Variants in PRDM15 observed in about 807,000 individuals in gnomAD.
PRDM15 encodes PR/SET domain 15, also known as PR domain zinc finger protein 15.
Under a neutral mutation model 128.6 loss-of-function variants are expected in PRDM15, and 64 were observed. That is an observed-to-expected ratio of 0.50 (90% confidence interval 0.41 to 0.61). PRDM15 has a LOEUF of 0.61. Among genes scored for constraint, PRDM15 ranks in the 20% least tolerant of loss-of-function variants. The probability of loss-of-function intolerance (pLI) is 0.00; values close to 1 mark genes in which losing one functional copy is unlikely to be tolerated. For synonymous variants in PRDM15, 615 were observed against 621.8 expected (o/e 0.99, Z 0.16); for missense variants, 1,242 against 1,569.1 (o/e 0.79, Z 3.52).
At position 41,821,117 on chromosome 21, in the gene PRDM15, G is replaced by A. The variant is rs147071633; in HGVS notation, c.2010C>T (p.His670=). ...TTTCACGGTGGATGACCATGTGGGC[G>A]TGGTAGGTGGCCTTCAGTGCAAAGC... ...NRRFALKATY[H]AHMVIHRENL... The change falls in exon 16 of 24, where the codon CAC becomes CAT. Residue 670 remains histidine, a synonymous_variant. Transcript: ENST00000398548. The surrounding 1 kb of genome is among the most constrained non-coding windows in gnomAD (Gnocchi z 5.4). The A allele has an allele frequency of 5.8e-5, 93 of 1,614,246 alleles. No individual in the cohort carries two copies. The highest frequency in any genetic ancestry group is 8.0e-5 in the African/African-American group (6 of 75,060).
chr21:41,801,169 C>T lies in PRDM15; in HGVS notation c.*71G>A. ...GTATGACTTTTTGTTTGTTTGGTAT[C>T]CAGCAAACACATCTAAACAAATCCC... On this transcript the variant is annotated 3_prime_UTR_variant, in exon 24 of 24. Coordinates refer to ENST00000398548, the MANE Select transcript of PRDM15 (RefSeq NM_001040424.3). 6.7e-7 allele frequency: 1 copy of T among 1,490,504 alleles called. No homozygotes were observed. Among genetic ancestry groups the T allele is most frequent in the Non-Finnish European group, 8.9e-7 (1 of 1,126,902 alleles). The allele number at this position is 1,490,504 out of a possible 1,614,324, so 92.3% of individuals were successfully genotyped here. A position where few individuals can be genotyped will look rare whatever the true frequency, so the allele number is the denominator to read the frequency against.
chr21:41,837,594 G>C (rs8132615), intron 8 of PRDM15, among the ~76,000 whole-genome samples: 47,135 of 152,000 alleles, frequency 0.31, 7,495 homozygotes, highest in Non-Finnish European at 0.32. Flanking sequence ...AGACGGGAAA[G>C]TTCCACAGAT....
In PRDM15 at chr21:41,862,719, G is replaced by C. The variant is rs1399904058; in HGVS notation, c.-9-2347C>G. ...GCCTGATAAACGGAGCATCTTCAAA[G>C]TCTTTGCTGTCTTGGCAAAACTCCC... On this transcript the variant is annotated intron_variant, in intron 1 of 23. Transcript: ENST00000398548. This position sits in a 1 kb window ranked among gnomAD's most constrained non-coding sequence, Gnocchi z 4.1. Among the ~76,000 whole-genome samples the C allele has an allele frequency of 6.6e-6, 1 of 152,174 alleles. No homozygotes were observed. The highest frequency in any genetic ancestry group is 1.5e-5 in the Non-Finnish European group (1 of 68,044).
At chr21:41,866,877 C>T (rs563745636) in intron 1 of PRDM15, among the ~76,000 whole-genome samples, 10 of 152,164 alleles carry the variant, frequency 6.6e-5, no homozygotes, top group Admixed American at 2.6e-4. Flanking sequence ...CCACCTGACC[C>T]GCATCTTGAT....
Position 41,823,367 on chromosome 21 carries a change from T to G in PRDM15, c.1712A>C (p.Lys571Thr). 6.3e-7 allele frequency: 1 copy of G among 1,598,410 alleles called. No homozygotes were observed. The highest frequency in any genetic ancestry group is 8.5e-7 in the Non-Finnish European group (1 of 1,172,854). The change falls in exon 14 of 24, where the codon AAG becomes ACG. Residue 571 changes from lysine (K) to threonine (T), a missense_variant. Physicochemically the swap from Lys to Thr is moderately conservative, Grantham distance 78. This residue lies in a region of PRDM15 where 28 missense variants were observed against 63.8 expected (regional missense o/e 0.44). Coordinates refer to ENST00000398548, the MANE Select transcript of PRDM15 (RefSeq NM_001040424.3). ...KKYTCEICGR[K>T]FFRVDVLRDH... ...CCTGAGCACATCCACGCGGAAGAAC[T>G]TGCGCCCGCAGATCTCGCAGGTGTA...
At chr21:41,869,096 C>T (rs1569021901) in intron 1 of PRDM15, among the ~76,000 whole-genome samples, 1 of 152,168 alleles carries the variant, frequency 6.6e-6, no homozygotes, top group African/African-American at 2.4e-5. Flanking sequence ...CAAGTATTTT[C>T]TCCCTGTCTG....
chr21:41,861,629 G>A (rs765244102), intron 1 of PRDM15: 9 of 1,613,880 alleles, frequency 5.6e-6, no homozygotes, highest in Non-Finnish European at 6.8e-6. Context: ...AAGTGTGCAT[G>A]CTGGCACTTC....
rs934032524 is a variant in PRDM15 at position 41,836,490 on chromosome 21, C to G, written c.1161G>C (p.Leu387=). The G allele has an allele frequency of 1.9e-6, 3 of 1,611,776 alleles. No individual in the cohort carries two copies. Among genetic ancestry groups the G allele is most frequent in the Non-Finnish European group, 2.5e-6 (3 of 1,179,578 alleles). ...CACCATGCGAGCGCACGTGCCTGCT[C>G]AGGTTGCTGCTGTTCTGGAAGATCT... The part of the protein sequence containing the change: ...CSKIFQNSSN[L]SRHVRSHGDK... The change falls in exon 9 of 24, where the codon CTG becomes CTC. Residue 387 remains leucine, a synonymous_variant. Transcript: ENST00000398548.
intron 11 of PRDM15, among the ~76,000 whole-genome samples, chr21:41,834,228 G>A (rs891653930): frequency 6.4e-5 from 7 of 109,890 alleles, no homozygotes; most frequent in African/African-American, 2.1e-4. Context: ...AAGGCATCAG[G>A]GAGGAAGAAC....
Position 41,839,749 on chromosome 21 carries a change from G to A in PRDM15, c.745C>T (p.Pro249Ser), listed in dbSNP as rs1436581812. 2 of 1,614,244 alleles carry A rather than the reference G, an allele frequency of 1.2e-6. No individual in the cohort carries two copies. Among genetic ancestry groups the A allele is most frequent in the Non-Finnish European group, 1.7e-6 (2 of 1,180,048 alleles). ...ACATTCTCGCTCTCGGGCACTGCAG[G>A]GGGTTCCCCCCGGGGTGTGTCCTGC... ...KEQDTPRGEP[P>S]AVPESENVAT... is the part of the protein sequence containing the mutation. The change falls in exon 7 of 24, where the codon CCT becomes TCT. Residue 249 changes from proline (P) to serine (S), a missense_variant. Pro to Ser is a moderately conservative substitution (Grantham distance 74, BLOSUM62 -1). Around this residue, in one of 3 missense-constraint regions of PRDM15, gnomAD observed 612 missense variants for 717.0 expected, o/e 0.85. Transcript: ENST00000398548.
chr21:41,812,795 A>G (rs1312897282), intron 19 of PRDM15: 1 of 152,332 alleles, frequency 6.6e-6, no homozygotes, highest in African/African-American at 2.4e-5. Context: ...CCACTGCCCT[A>G]GGGAACGGCC....
At chr21:41,875,381 C>A (rs914881023) in intron 1 of PRDM15, among the ~76,000 whole-genome samples, 6 of 152,278 alleles carry the variant, frequency 3.9e-5, no homozygotes, top group Non-Finnish European at 7.3e-5. Flanking sequence ...CAGCCAGGCT[C>A]TTTGAGTTTT....
At chr21:41,824,607 G>A (rs1601227656) in intron 13 of PRDM15, among the ~76,000 whole-genome samples, 3 of 152,344 alleles carry the variant, frequency 2.0e-5, no homozygotes, top group African/African-American at 7.2e-5. Context: ...GCAGAGGTCA[G>A]TGGACAGAAA....
At chr21:41,873,634 T>G (rs1268797115) in intron 1 of PRDM15, among the ~76,000 whole-genome samples, 2 of 152,228 alleles carry the variant, frequency 1.3e-5, no homozygotes, top group Non-Finnish European at 2.9e-5. Flanking sequence ...GTTTATGATT[T>G]CTTCTCCGTT....
Position 41,835,505 on chromosome 21 carries a change from T to C in PRDM15, c.1298A>G (p.Tyr433Cys), listed in dbSNP as rs1407004721. ...SRNEVDGEYR[Y>C]RCGTCEKTFR... ...GGTCTTCTCACAAGTGCCGCAGCGG[T>C]ACCTGTACTCGCCGTCCACCTGGTC... Residue 433 changes from tyrosine (Y) to cysteine (C), a missense_variant, in exon 11 of 24, where the codon TAC becomes TGC. Physicochemically the swap from Tyr to Cys is radical, Grantham distance 194 (BLOSUM62 -2). Transcript: ENST00000398548. 1 of 1,609,524 alleles carries C rather than the reference T, an allele frequency of 6.2e-7. No homozygotes were observed. The highest frequency in any genetic ancestry group is 8.5e-7 in the Non-Finnish European group (1 of 1,179,530).
chr21:41,854,972 T>C lies in PRDM15; in HGVS notation c.286-154A>G, dbSNP rs974439952. Among the ~76,000 whole-genome samples, 7 of 152,124 alleles carry C rather than the reference T, an allele frequency of 4.6e-5. No homozygotes were observed. Among genetic ancestry groups the C allele is most frequent in the African/African-American group, 9.7e-5 (4 of 41,410 alleles). ...GTACGGGATGTTGAGGTGTTTACAA[T>C]AGTGAGGAGGGTCACAGGTAGACCA... On this transcript the variant is annotated intron_variant, in intron 4 of 23. Coordinates refer to ENST00000398548, the MANE Select transcript of PRDM15 (RefSeq NM_001040424.3). The surrounding 1 kb of genome is among the most constrained non-coding windows in gnomAD (Gnocchi z 4.6).
chr21:41,806,738 TACC>T (rs1439879533), intron 21 of PRDM15, among the ~76,000 whole-genome samples: 1 of 73,774 alleles, frequency 1.4e-5, no homozygotes, highest in Non-Finnish European at 2.7e-5. Flanking sequence ...ACCATCACCA[TACC>T]ACCACCATCA....
chr21:41,878,671 A>G, intron 1 of PRDM15: 2 of 1,493,296 alleles, frequency 1.3e-6, no homozygotes, highest in South Asian at 1.2e-5. Flanking sequence ...AATAAGGCGC[A>G]GGGGGTCTGG....
Position 41,836,210 on chromosome 21 carries a change from G to C in PRDM15, c.1184-3C>G. 1 of 1,613,468 alleles carries C rather than the reference G, an allele frequency of 6.2e-7. No individual in the cohort carries two copies. The highest frequency in any genetic ancestry group is 8.5e-7 in the Non-Finnish European group (1 of 1,179,546). ...TTCGCACTTAAACAGCTTGTCACCT[G>C]AGGAACCAACCAACAGAGAGCTCAT... On this transcript the variant is annotated splice_polypyrimidine_tract_variant and splice_region_variant and intron_variant, in intron 9 of 23. Transcript: ENST00000398548.
Sources: gnomAD v4.1 joint callset for allele counts (sites outside exome capture counted in the v4.1 genomes callset) on GRCh38, gnomAD v4.1.1 for gene constraint, gnomAD v4.1.1 regional missense constraint, Gnocchi (gnomAD v3.1) non-coding constraint, MANE v1.5 for transcripts, NCBI Gene and HGNC (gene_info 2026-07-23, HGNC 2026-07-21) for gene names.